Variants in PCDHGB4 observed in about 807,000 individuals in gnomAD.
PCDHGB4 encodes the protein protocadherin gamma-B4.
In PCDHGB4, 38 loss-of-function variants were observed where a neutral mutation model predicts 60.5. That is an observed-to-expected ratio of 0.63 (90% CI 0.48 to 0.82). The LOEUF (loss-of-function observed/expected upper bound fraction) is 0.82, where lower values mean the gene tolerates loss of function less well. Ranked by LOEUF, PCDHGB4 falls within the 40% of genes least tolerant of loss-of-function variation. The pLI is 0.00. For synonymous variants in PCDHGB4, 456 were observed against 509.7 expected (o/e 0.89, Z 1.42); for missense variants, 1,109 against 1,209.6 (o/e 0.92, Z 1.23).
At chr5:141,447,130 T>A (rs2098527397) in intron 1 of PCDHGB4, among the ~76,000 whole-genome samples, 1 of 152,146 alleles carries the variant, frequency 6.6e-6, no homozygotes, top group Admixed American at 6.6e-5. Context: ...TTTTTTTGTT[T>A]GTTTGTTTTT....
At chr5:141,421,781 G>A (rs1482347889) in intron 1 of PCDHGB4, 1 of 1,613,856 alleles carries the variant, frequency 6.2e-7, no homozygotes, top group Non-Finnish European at 8.5e-7. Context: ...CAACTGCGGG[G>A]CAGAACGGAT....
In PCDHGB4 at chr5:141,500,452, G is replaced by A. The variant is rs554196222; in HGVS notation, c.2457-4941G>A. 2.6e-3 allele frequency among the ~76,000 whole-genome samples: 398 copies of A among 151,620 alleles called. 2 individuals carry two copies. The highest frequency in any genetic ancestry group is 0.021 in the South Asian group (99 of 4,798). On this transcript the variant is annotated intron_variant, in intron 2 of 3. Transcript: ENST00000519479. ...TCTCGATCTCCTGACCTCGTGATCC[G>A]CCCGCCTCGGCCTCCCAAAGTGCTG... is the stretch of plus-strand genomic sequence containing the variant.
intron 2 of PCDHGB4, among the ~76,000 whole-genome samples, chr5:141,495,270 G>C (rs1428903664): frequency 1.3e-5 from 2 of 152,178 alleles, no homozygotes; most frequent in Non-Finnish European, 2.9e-5. Context: ...GCATTTGACC[G>C]GAGGAGGCGG....
At chr5:141,394,436 C>T in intron 1 of PCDHGB4, 1 of 1,614,234 alleles carries the variant, frequency 6.2e-7, no homozygotes, top group South Asian at 1.1e-5. Context: ...GGGACCCGCC[C>T]CTCAGCAGCA....
intron 1 of PCDHGB4, among the ~76,000 whole-genome samples, chr5:141,437,421 T>G (rs971034611): frequency 1.2e-4 from 19 of 152,238 alleles, no homozygotes; most frequent in African/African-American, 4.6e-4. Flanking sequence ...TTATGCTTTT[T>G]GAAGCAGCAA....
chr5:141,410,710 CAT>C lies in PCDHGB4; in HGVS notation c.2397+20432_2397+20433del, dbSNP rs140431021. 1.9e-3 allele frequency: 2,785 copies of C among 1,444,504 alleles called. 45 individuals are homozygous for C. In the African/African-American group the frequency reaches 0.033, roughly 17 times the overall value. The allele number at this position is 1,444,504 out of a possible 1,614,324, so 89.5% of individuals were successfully genotyped here. On this transcript the variant is annotated intron_variant, in intron 1 of 3. Coordinates refer to ENST00000519479, the MANE Select transcript of PCDHGB4 (RefSeq NM_003736.4). ...ACTACTTTATTTTCATATCTAGAATCATATGTTTAAAATCCATAGCTTTTTAC... is the reference window on the plus strand; with the variant it reads ...ACTACTTTATTTTCATATCTAGAATCATGTTTAAAATCCATAGCTTTTTAC...
intron 1 of PCDHGB4, among the ~76,000 whole-genome samples, chr5:141,466,387 A>G (rs1312030857): frequency 1.3e-5 from 2 of 152,108 alleles, no homozygotes; most frequent in Non-Finnish European, 2.9e-5. Flanking sequence ...CATCTAATGG[A>G]AAGTTTGCTC....
intron 1 of PCDHGB4, chr5:141,400,123 G>T: frequency 6.2e-7 from 1 of 1,614,082 alleles, no homozygotes; most frequent in Non-Finnish European, 8.5e-7. Flanking sequence ...CAGCTTGCAG[G>T]AGGTGCTGCC....
Position 141,432,153 on chromosome 5 carries a change from A to T in PCDHGB4, c.2397+41872A>T. 6.2e-7 allele frequency: 1 copy of T among 1,613,758 alleles called. No homozygotes were observed. The highest frequency in any genetic ancestry group is 8.5e-7 in the Non-Finnish European group (1 of 1,179,910). On this transcript the variant is annotated intron_variant, in intron 1 of 3. Transcript: ENST00000519479. This position sits in a 1 kb window ranked among gnomAD's most constrained non-coding sequence, Gnocchi z 6.0. ...TATTCCGCTTATATCCCAGAGAACA[A>T]TCCCAGAGGAGTTTCCCTCGTCTCT...
Position 141,389,039 on chromosome 5 carries a change from AG to A in PCDHGB4, c.1157del (p.Gly386ValfsTer8). 1 of 1,613,988 alleles carries A rather than the reference AG, an allele frequency of 6.2e-7. No homozygotes were observed. Among genetic ancestry groups the A allele is most frequent in the Non-Finnish European group, 8.5e-7 (1 of 1,179,854 alleles). On this transcript the variant is annotated frameshift_variant, in exon 1 of 4. Transcript: ENST00000519479. LOFTEE classifies it high-confidence loss of function. ...HNGEVTCKLE[G>X]DVPFKILTSS... ...ATGGAGAAGTGACTTGTAAATTGGAAGGTGATGTTCCATTTAAAATATTAAC... is the reference window on the plus strand; with the variant it reads ...ATGGAGAAGTGACTTGTAAATTGGAAGTGATGTTCCATTTAAAATATTAAC...
rs751560177 is a variant in PCDHGB4 at position 141,432,962 on chromosome 5, G to T, written c.2397+42681G>T. 7 of 1,614,092 alleles carry T rather than the reference G, an allele frequency of 4.3e-6. No individual in the cohort carries two copies. The highest frequency in any genetic ancestry group is 5.9e-6 in the Non-Finnish European group (7 of 1,180,046). Reference sequence around the variant, plus strand: ...GGCTTCAGGAGGCGGCTTGACAGGAGCGCCGGCGTCGCACTTTGTGGGCGT... The same window carrying T: ...GGCTTCAGGAGGCGGCTTGACAGGATCGCCGGCGTCGCACTTTGTGGGCGT... On this transcript the variant is annotated intron_variant, in intron 1 of 3. Transcript: ENST00000519479. The surrounding 1 kb of genome is among the most constrained non-coding windows in gnomAD (Gnocchi z 6.0).
At chr5:141,404,476 C>G (rs1453332441) in intron 1 of PCDHGB4, 3 of 1,613,362 alleles carry the variant, frequency 1.9e-6, no homozygotes, top group Non-Finnish European at 2.5e-6. Context: ...TCTCTATTAA[C>G]TCAGACACTG....
At chr5:141,415,467 C>T (rs754252558) in intron 1 of PCDHGB4, 2 of 1,614,080 alleles carry the variant, frequency 1.2e-6, no homozygotes, top group African/African-American at 1.3e-5. Context: ...TCTCTCTCAC[C>T]GCGGACTCGC....
intron 2 of PCDHGB4, among the ~76,000 whole-genome samples, chr5:141,497,478 C>T (rs974494984): frequency 6.0e-5 from 9 of 150,954 alleles, no homozygotes; most frequent in South Asian, 4.2e-4. Context: ...GGAGAAGGTG[C>T]GGAACCTCTC....
intron 2 of PCDHGB4, among the ~76,000 whole-genome samples, chr5:141,504,402 G>A (rs2099837969): frequency 6.6e-6 from 1 of 152,170 alleles, no homozygotes; most frequent in Admixed American, 6.6e-5. Context: ...AGCCAGTGTG[G>A]TGGAGGAACA....
intron 1 of PCDHGB4, chr5:141,398,152 G>T: frequency 5.3e-6 from 8 of 1,498,488 alleles, no homozygotes; most frequent in Non-Finnish European, 7.1e-6. Context: ...CGGGGAGCTG[G>T]GCCGGGCTGA....
At chr5:141,471,075 G>T (rs574363005) in intron 1 of PCDHGB4, among the ~76,000 whole-genome samples, 1 of 143,346 alleles carries the variant, frequency 7.0e-6, no homozygotes, top group East Asian at 2.0e-4. Context: ...TTGAGACAGG[G>T]TCTCCCTCTG....
chr5:141,450,010 T>A (rs2098664468), intron 1 of PCDHGB4, among the ~76,000 whole-genome samples: 1 of 135,330 alleles, frequency 7.4e-6, no homozygotes, highest in African/African-American at 3.3e-5. Flanking sequence ...ATGTCTCTTT[T>A]TTTTTTTTTT....
intron 1 of PCDHGB4, chr5:141,420,902 A>T (rs1202945278): frequency 3.4e-6 from 1 of 293,976 alleles, no homozygotes; most frequent in Non-Finnish European, 6.3e-6. Context: ...TAAGCTCTAC[A>T]AATACGTGTG....
Sources: gnomAD v4.1 joint callset for allele counts (sites outside exome capture counted in the v4.1 genomes callset) on GRCh38, gnomAD v4.1.1 for gene constraint, Gnocchi (gnomAD v3.1) non-coding constraint, MANE v1.5 for transcripts, NCBI Gene and HGNC (gene_info 2026-07-23, HGNC 2026-07-21) for gene names.